ZKSCAN8: variants seen among roughly 807,000 people sequenced by gnomAD.
ZKSCAN8 encodes the protein zinc finger with KRAB and SCAN domains 8, also known as zinc finger protein with KRAB and SCAN domains 8.
ZKSCAN8 carries 27 observed loss-of-function variants against 57.2 expected under a neutral mutation model. The observed-to-expected ratio is 0.47, with a 90% confidence interval of 0.35 to 0.65. ZKSCAN8 has a LOEUF of 0.65. Ranked by LOEUF, ZKSCAN8 falls within the 30% of genes least tolerant of loss-of-function variation. ZKSCAN8 has a pLI of 0.01. For missense variants in ZKSCAN8, 597 were observed against 696.3 expected, an observed-to-expected ratio of 0.86 and a Z score of 1.60; for synonymous variants, 214 against 248.7, an observed-to-expected ratio of 0.86 and a Z score of 1.31.
chr6:28,151,337 C>G (rs185787142), intron 3 of ZKSCAN8, among the ~76,000 whole-genome samples: 21 of 152,212 alleles, frequency 1.4e-4, no homozygotes, highest in Middle Eastern at 3.4e-3. Flanking sequence ...CATTAAAACA[C>G]TTAATACTTC....
Position 28,158,160 on chromosome 6 carries a change from ATTG to A in ZKSCAN8, c.*4147_*4149del, listed in dbSNP as rs1172787595. 2.6e-5 allele frequency: 4 copies of A among 151,280 alleles called. No homozygotes were observed. Among genetic ancestry groups the A allele is most frequent in the Admixed American group, 6.6e-5 (1 of 15,180 alleles). 9.4% of individuals were successfully genotyped at this position (151,280 alleles called of 1,614,324 possible). On this transcript the variant is annotated 3_prime_UTR_variant, in exon 6 of 6. Transcript: ENST00000330236. ...TTTTTTGATCTAATTTATATTTTAT[ATTG>A]TTGAATTCTCCCTCCTTTGGCTTGT...
chr6:28,142,903 T>A (rs1765265432), intron 1 of ZKSCAN8, among the ~76,000 whole-genome samples: 1 of 152,246 alleles, frequency 6.6e-6, no homozygotes, highest in Admixed American at 6.5e-5. Context: ...TCTTGGATTT[T>A]AAATCCTGGA....
chr6:28,152,819 T>A (rs1416154593), intron 5 of ZKSCAN8, among the ~76,000 whole-genome samples: 1 of 152,240 alleles, frequency 6.6e-6, no homozygotes, highest in Non-Finnish European at 1.5e-5. Context: ...CATCCTTTCC[T>A]GACTTTAGTT....
chr6:28,146,757 A>G (rs1378401492), intron 1 of ZKSCAN8, among the ~76,000 whole-genome samples: 1 of 152,234 alleles, frequency 6.6e-6, no homozygotes, highest in Admixed American at 6.5e-5. Context: ...GAAAGAATAG[A>G]TGTATAGGTC....
At chr6:28,142,746 A>G (rs1244090609) in intron 1 of ZKSCAN8, among the ~76,000 whole-genome samples, 2 of 152,184 alleles carry the variant, frequency 1.3e-5, no homozygotes, top group African/African-American at 4.8e-5. Flanking sequence ...TCCGTTGAGT[A>G]TATTTACGTA....
chr6:28,156,381 A>G lies in ZKSCAN8; in HGVS notation c.*2364A>G. 2.5e-6 allele frequency: 1 copy of G among 395,292 alleles called. No homozygotes were observed. Among genetic ancestry groups the G allele is most frequent in the Non-Finnish European group, 4.5e-6 (1 of 224,262 alleles). The allele number at this position is 395,292 out of a possible 1,614,324, so 24.5% of individuals were successfully genotyped here. A position where few individuals can be genotyped will look rare whatever the true frequency, so the allele number is the denominator to read the frequency against. ...AGTATTAAGAGTAATATGTAGCCAGATTACTTAAATCTCAGAATTACTAAG... is the reference window on the plus strand; with the variant it reads ...AGTATTAAGAGTAATATGTAGCCAGGTTACTTAAATCTCAGAATTACTAAG... On this transcript the variant is annotated 3_prime_UTR_variant, in exon 6 of 6. Coordinates refer to ENST00000330236, the MANE Select transcript of ZKSCAN8 (RefSeq NM_006298.4).
chr6:28,147,556 AT>A (rs113305696), intron 1 of ZKSCAN8, among the ~76,000 whole-genome samples: 3 of 152,210 alleles, frequency 2.0e-5, no homozygotes, highest in Non-Finnish European at 4.4e-5. Flanking sequence ...ATTCATAGTG[AT>A]TAAAAAACAA....
In ZKSCAN8 at chr6:28,152,536, C is replaced by T. The variant is rs117376492; in HGVS notation, c.775+152C>T. The T allele has an allele frequency of 5.2e-4, 606 of 1,159,804 alleles. 3 individuals carry two copies. The East Asian group carries it at 6.6e-3, about 13-fold the overall frequency. 71.8% of individuals were successfully genotyped at this position (1,159,804 alleles called of 1,614,324 possible). ...GATGTTGAGATTTCTTGAAATCTTA[C>T]GTGAAACTTTTGTTCTCCTGTCCAG... On this transcript the variant is annotated intron_variant, in intron 5 of 5. Coordinates refer to ENST00000330236, the MANE Select transcript of ZKSCAN8 (RefSeq NM_006298.4).
Position 28,149,668 on chromosome 6 carries a change from A to G in ZKSCAN8, c.559+44A>G, listed in dbSNP as rs200543232. On this transcript the variant is annotated intron_variant, in intron 3 of 5. Coordinates refer to ENST00000330236, the MANE Select transcript of ZKSCAN8 (RefSeq NM_006298.4). ...TTGATGATAAGGGGGGGAAGTACAA[A>G]TAAAAGTCCATTTGGGATACCTATC... 161 of 1,606,266 alleles carry G rather than the reference A, an allele frequency of 1.0e-4. No individual in the cohort carries two copies. The African/African-American group carries it at 1.9e-3, about 19-fold the overall frequency.
At chr6:28,149,444 A>G (rs1255155683) in intron 2 of ZKSCAN8, 39 bp from the exon 3 acceptor site, 1 of 1,609,920 alleles carries the variant, frequency 6.2e-7, no homozygotes, top group Non-Finnish European at 8.5e-7. Flanking sequence ...TACATTTCGC[A>G]AAGGGATTCC....
At chr6:28,146,577 A>G (rs561250757) in intron 1 of ZKSCAN8, among the ~76,000 whole-genome samples, 27 of 152,322 alleles carry the variant, frequency 1.8e-4, no homozygotes, top group African/African-American at 6.3e-4. Context: ...TACAAATCCA[A>G]TTCAATAATT....
At chr6:28,147,923 G>C (rs1322625765) in intron 1 of ZKSCAN8, among the ~76,000 whole-genome samples, 1 of 152,212 alleles carries the variant, frequency 6.6e-6, no homozygotes, top group Non-Finnish European at 1.5e-5. Context: ...TAAGGGAAAG[G>C]TTGAGAGCTG....
intron 1 of ZKSCAN8, among the ~76,000 whole-genome samples, chr6:28,147,455 A>G (rs1765435156): frequency 6.6e-6 from 1 of 152,232 alleles, no homozygotes; most frequent in South Asian, 2.1e-4. Flanking sequence ...TATGTATTTT[A>G]TGACACAGCA....
rs146082066 is a variant in ZKSCAN8 at position 28,156,213 on chromosome 6, G to A, written c.*2196G>A. On this transcript the variant is annotated 3_prime_UTR_variant, in exon 6 of 6. Transcript: ENST00000330236. ...CACCTGCCATACACTTTAGAAGAAC[G>A]CTTCTCTTCTATTCCAATAAAAAGT... 319 of 398,272 alleles carry A rather than the reference G, an allele frequency of 8.0e-4. 6 individuals are homozygous for A. The South Asian group carries it at 0.029, about 37-fold the overall frequency. 24.7% of individuals were successfully genotyped at this position (398,272 alleles called of 1,614,324 possible). A position where few individuals can be genotyped will look rare whatever the true frequency, so the allele number is the denominator to read the frequency against.
intron 3 of ZKSCAN8, among the ~76,000 whole-genome samples, chr6:28,150,674 ACT>A (rs1258504127): frequency 2.0e-5 from 3 of 151,826 alleles, no homozygotes; most frequent in South Asian, 2.1e-4. Flanking sequence ...TGATTTTCTA[ACT>A]CTGTCATTCC....
At chr6:28,149,696 GTTCCTGAAGAACCAGGAAC>G (rs1561820138) in intron 3 of ZKSCAN8, 72 bp downstream of exon 3, 22 of 1,555,592 alleles carry the variant, frequency 1.4e-5, no homozygotes, top group Non-Finnish European at 1.8e-5. Flanking sequence ...TACCTATCTA[GTTCCTGAAGAACCAGGAAC>G]TAAAATCCTG....
In ZKSCAN8 at chr6:28,141,944, A is replaced by T. The variant is rs1323801429; in HGVS notation, c.-178A>T. 4 of 152,432 alleles carry T rather than the reference A, an allele frequency of 2.6e-5. No individual in the cohort carries two copies. Among genetic ancestry groups the T allele is most frequent in the African/African-American group, 7.2e-5 (3 of 41,452 alleles). The allele number at this position is 152,432 out of a possible 1,614,324, so 9.4% of individuals were successfully genotyped here. On this transcript the variant is annotated 5_prime_UTR_variant, in exon 1 of 6. Coordinates refer to ENST00000330236, the MANE Select transcript of ZKSCAN8 (RefSeq NM_006298.4). ...GGGGCCTGGTCCGAGTACAGCTTTC[A>T]TCGCCTTTACTCCCCGACCTTCCTT...
chr6:28,151,711 T>A, intron 3 of ZKSCAN8, 134 bp from the exon 4 acceptor site: 1 of 680,734 alleles, frequency 1.5e-6, no homozygotes, highest in Non-Finnish European at 2.6e-6. Context: ...ATCCAAGATA[T>A]CAGCACTTCA....
At position 28,158,252 on chromosome 6, in the gene ZKSCAN8, TCTC is replaced by T. The variant is rs960823453; in HGVS notation, c.*4239_*4241del. On this transcript the variant is annotated 3_prime_UTR_variant, in exon 6 of 6. Transcript: ENST00000330236. ...GTTGATCTTTCCACCCACTCCCCTT[TCTC>T]CTCTTCTCCACTGAGAATAATCTCC... 2.6e-5 allele frequency: 4 copies of T among 152,256 alleles called. No homozygotes were observed. Among genetic ancestry groups the T allele is most frequent in the Middle Eastern group, 6.8e-3 (2 of 294 alleles). The allele number at this position is 152,256 out of a possible 1,614,324, so 9.4% of individuals were successfully genotyped here. A position where few individuals can be genotyped will look rare whatever the true frequency, so the allele number is the denominator to read the frequency against.
Sources: gnomAD v4.1 joint callset for allele counts (sites outside exome capture counted in the v4.1 genomes callset) on GRCh38, gnomAD v4.1.1 for gene constraint, MANE v1.5 for transcripts, NCBI Gene and HGNC (gene_info 2026-07-23, HGNC 2026-07-21) for gene names.